Variants in SYT1 observed in about 807,000 individuals in gnomAD.
The protein encoded by SYT1 is synaptotagmin-1.
Under a neutral mutation model 44.8 loss-of-function variants are expected in SYT1, and 8 were observed. That is an observed-to-expected ratio of 0.18 (90% CI 0.10 to 0.32). The LOEUF (loss-of-function observed/expected upper bound fraction) is 0.32, where lower values mean the gene tolerates loss of function less well. SYT1 is among the 10% of genes least tolerant of loss of function. The pLI, the probability that SYT1 is intolerant of heterozygous loss-of-function variation, is 1.00. For synonymous variants in SYT1, 154 were observed against 188.8 expected (o/e 0.82, Z 1.51); for missense variants, 286 against 509.3 (o/e 0.56, Z 4.22).
intron 2 of SYT1, among the ~76,000 whole-genome samples, chr12:79,041,171 G>C (rs1309671902): frequency 1.3e-5 from 2 of 151,014 alleles, no homozygotes; most frequent in East Asian, 3.9e-4. Flanking sequence ...AAAGTCATTG[G>C]TAGCTTGATG....
At chr12:79,240,951 T>C (rs116917840) in intron 4 of SYT1, among the ~76,000 whole-genome samples, 1 of 152,152 alleles carries the variant, frequency 6.6e-6, no homozygotes, top group Non-Finnish European at 1.5e-5. Flanking sequence ...AGCAGGAGGA[T>C]AGCTTGAGCC....
chr12:79,278,701 T>C (rs1314815374), intron 4 of SYT1, among the ~76,000 whole-genome samples: 1 of 151,146 alleles, frequency 6.6e-6, no homozygotes, highest in Non-Finnish European at 1.5e-5. Flanking sequence ...AATACAAGGA[T>C]CAATGAAACA....
chr12:79,336,803 AT>A, intron 8 of SYT1, among the ~76,000 whole-genome samples: 1 of 152,000 alleles, frequency 6.6e-6, no homozygotes, highest in South Asian at 2.1e-4. Context: ...CCAATTATTT[AT>A]TTTTTATTTC....
At chr12:79,432,364 C>T (rs775694522) in intron 9 of SYT1, among the ~76,000 whole-genome samples, 7 of 151,706 alleles carry the variant, frequency 4.6e-5, no homozygotes, top group African/African-American at 1.5e-4. Flanking sequence ...CCTCCCCCTG[C>T]CCCCCAACCC....
At chr12:78,922,886 A>G (rs1877086424) in intron 1 of SYT1, among the ~76,000 whole-genome samples, 1 of 151,988 alleles carries the variant, frequency 6.6e-6, no homozygotes, top group African/African-American at 2.4e-5. Flanking sequence ...AGAAACCTAA[A>G]TAAAAAATGT....
intron 1 of SYT1, among the ~76,000 whole-genome samples, chr12:78,878,466 G>A (rs1475445580): frequency 3.3e-5 from 5 of 151,710 alleles, no homozygotes; most frequent in African/African-American, 7.3e-5. Flanking sequence ...TATGAGTAAC[G>A]CAGCACATAA....
At chr12:79,321,978 T>C (rs1370209031) in intron 8 of SYT1, among the ~76,000 whole-genome samples, 1 of 152,162 alleles carries the variant, frequency 6.6e-6, no homozygotes, top group African/African-American at 2.4e-5. Flanking sequence ...AAGCAGAGGC[T>C]GGGAACGTAA....
intron 8 of SYT1, among the ~76,000 whole-genome samples, chr12:79,326,535 T>G (rs1315358225): frequency 3.9e-5 from 6 of 151,918 alleles, no homozygotes; most frequent in Admixed American, 3.9e-4. Flanking sequence ...ATTTTGCCCT[T>G]TGGAAAAAAA....
At chr12:78,895,974 G>A (rs1327983468) in intron 1 of SYT1, among the ~76,000 whole-genome samples, 1 of 151,692 alleles carries the variant, frequency 6.6e-6, no homozygotes, top group African/African-American at 2.4e-5. Context: ...AGTTATTTGG[G>A]AGCTTTTTCT....
chr12:79,004,418 A>G (rs961430194), intron 2 of SYT1, among the ~76,000 whole-genome samples: 2 of 151,950 alleles, frequency 1.3e-5, no homozygotes, highest in Admixed American at 6.6e-5. Context: ...CTCTACACAA[A>G]TTTTGCCATT....
At chr12:79,063,363 T>C (rs2099358494) in intron 3 of SYT1, among the ~76,000 whole-genome samples, 1 of 152,172 alleles carries the variant, frequency 6.6e-6, no homozygotes. Context: ...TAGTTGCCTG[T>C]AGCAAAAGCA....
At chr12:79,213,541 C>T (rs974028840) in intron 3 of SYT1, among the ~76,000 whole-genome samples, 3 of 152,150 alleles carry the variant, frequency 2.0e-5, no homozygotes, top group East Asian at 1.9e-4. Flanking sequence ...AACCACTTAG[C>T]GGGTGCTCAA....
chr12:79,186,806 G>C (rs913110163), intron 3 of SYT1, among the ~76,000 whole-genome samples: 4 of 151,984 alleles, frequency 2.6e-5, no homozygotes, highest in Non-Finnish European at 4.4e-5. Flanking sequence ...TGAATAATTA[G>C]TGAATGTCAA....
intron 8 of SYT1, among the ~76,000 whole-genome samples, chr12:79,300,489 C>G (rs1233903965): frequency 6.6e-6 from 1 of 152,002 alleles, no homozygotes; most frequent in Non-Finnish European, 1.5e-5. Context: ...CAGAGAAACT[C>G]AATCAAGTCC....
chr12:78,906,535 A>C (rs908135398), intron 1 of SYT1, among the ~76,000 whole-genome samples: 2 of 152,172 alleles, frequency 1.3e-5, no homozygotes, highest in African/African-American at 2.4e-5. Context: ...AGAAAGGGAA[A>C]AAGGCCGTAA....
chr12:79,064,964 GAAAGAAA>G (rs1875693794), intron 3 of SYT1, among the ~76,000 whole-genome samples: 1 of 150,122 alleles, frequency 6.7e-6, no homozygotes, highest in Non-Finnish European at 1.5e-5. Context: ...AAGAAAGAAA[GAAAGAAA>G]GAAAGAAAGA....
chr12:79,320,634 T>G (rs1189542107), intron 8 of SYT1, among the ~76,000 whole-genome samples: 4 of 151,610 alleles, frequency 2.6e-5, no homozygotes, highest in African/African-American at 9.7e-5. Context: ...AATTTATCTT[T>G]TTTTCTTTTT....
chr12:79,261,951 A>G (rs1877853758), intron 4 of SYT1, among the ~76,000 whole-genome samples: 1 of 152,200 alleles, frequency 6.6e-6, no homozygotes, highest in South Asian at 2.1e-4. Flanking sequence ...AATTTCACAC[A>G]GTAAAATCTA....
At chr12:78,998,149 T>C (rs969165397) in intron 2 of SYT1, among the ~76,000 whole-genome samples, 2 of 152,214 alleles carry the variant, frequency 1.3e-5, no homozygotes, top group Non-Finnish European at 2.9e-5. Context: ...GCTTTCTTCA[T>C]AGTTTGCCTA....
Sources: gnomAD v4.1 joint callset for allele counts (sites outside exome capture counted in the v4.1 genomes callset) on GRCh38, gnomAD v4.1.1 for gene constraint, MANE v1.5 for transcripts, NCBI Gene and HGNC (gene_info 2026-07-23, HGNC 2026-07-21) for gene names.